Variants in AATF observed in about 807,000 individuals in gnomAD.
AATF encodes the protein protein AATF.
AATF carries 48 observed loss-of-function variants against 63.7 expected under a neutral mutation model. The ratio of observed to expected loss-of-function variants is 0.75; its 90% CI spans 0.60 to 0.96. The LOEUF is 0.96. AATF is among the 40% of genes least tolerant of loss of function. AATF has a pLI of 0.00. For synonymous variants in AATF, 258 were observed against 247.7 expected (o/e 1.04, Z -0.39); for missense variants, 639 against 685.7 (o/e 0.93, Z 0.76).
chr17:37,051,976 T>C (rs2071755792), intron 11 of AATF, among the ~76,000 whole-genome samples: 1 of 152,148 alleles, frequency 6.6e-6, no homozygotes, highest in South Asian at 2.1e-4. Context: ...TAAATTTTAA[T>C]TCAAGGAAGA....
At chr17:36,976,404 T>C (rs941658086) in intron 4 of AATF, among the ~76,000 whole-genome samples, 1 of 152,160 alleles carries the variant, frequency 6.6e-6, no homozygotes, top group Non-Finnish European at 1.5e-5. Context: ...TACTGAGTAT[T>C]AACTATTAAT....
intron 8 of AATF, among the ~76,000 whole-genome samples, chr17:37,014,707 A>T (rs2071416307): frequency 1.3e-5 from 2 of 152,002 alleles, no homozygotes; most frequent in Non-Finnish European, 2.9e-5. Context: ...ATTTGGGAAA[A>T]TTTTCAGTAT....
At chr17:37,037,380 A>G (rs901934062) in intron 11 of AATF, among the ~76,000 whole-genome samples, 1 of 152,186 alleles carries the variant, frequency 6.6e-6, no homozygotes, top group Admixed American at 6.5e-5. Context: ...TCAGTGGCCT[A>G]AGGAGAAGAA....
chr17:37,027,655 A>G (rs1399330400), intron 10 of AATF, among the ~76,000 whole-genome samples: 2 of 152,214 alleles, frequency 1.3e-5, no homozygotes, highest in African/African-American at 2.4e-5. Flanking sequence ...CCCAATATAT[A>G]AAAATATTAT....
chr17:37,007,007 A>G (rs1333208141), intron 8 of AATF, among the ~76,000 whole-genome samples: 1 of 152,222 alleles, frequency 6.6e-6, no homozygotes, highest in Non-Finnish European at 1.5e-5. Flanking sequence ...TTGAGTAACC[A>G]AAGGTGGACT....
chr17:37,008,080 A>G (rs925037033), intron 8 of AATF, among the ~76,000 whole-genome samples: 1 of 152,198 alleles, frequency 6.6e-6, no homozygotes. Flanking sequence ...TTTGAAAATC[A>G]GTAGAAAGGA....
intron 4 of AATF, among the ~76,000 whole-genome samples, chr17:36,983,943 C>G (rs527914803): frequency 1.3e-5 from 2 of 152,256 alleles, no homozygotes; most frequent in South Asian, 4.1e-4. Flanking sequence ...TAGGTTGGCT[C>G]TCAGGCCTGA....
intron 4 of AATF, among the ~76,000 whole-genome samples, chr17:36,972,554 A>AT (rs1259503681): frequency 6.6e-6 from 1 of 151,642 alleles, no homozygotes; most frequent in Non-Finnish European, 1.5e-5. Context: ...TATAGGATGA[A>AT]TTTTTTTTTA....
At chr17:37,012,137 C>T (rs1001198975) in intron 8 of AATF, among the ~76,000 whole-genome samples, 1 of 151,786 alleles carries the variant, frequency 6.6e-6, no homozygotes, top group African/African-American at 2.4e-5. Flanking sequence ...ACTGCAACTT[C>T]CGTCTCCTGG....
chr17:36,981,697 C>CT (rs1750407025), intron 4 of AATF, among the ~76,000 whole-genome samples: 5 of 118,716 alleles, frequency 4.2e-5, no homozygotes, highest in Admixed American at 7.9e-5. Flanking sequence ...CTTCTTCTTT[C>CT]TTTTCTTTTT....
chr17:37,009,852 C>T (rs2071376200), intron 8 of AATF, among the ~76,000 whole-genome samples: 1 of 113,572 alleles, frequency 8.8e-6, no homozygotes, highest in African/African-American at 3.9e-5. Context: ...AAAAAAAAAC[C>T]ATGCAGATTT....
At chr17:36,998,455 G>A (rs931753709) in intron 8 of AATF, 1 of 152,142 alleles carries the variant, frequency 6.6e-6, no homozygotes, top group Non-Finnish European at 1.5e-5. Flanking sequence ...ACTCCCTTCT[G>A]ATTGGACAAG....
intron 8 of AATF, among the ~76,000 whole-genome samples, chr17:37,008,785 G>A (rs899267966): frequency 6.6e-6 from 1 of 152,142 alleles, no homozygotes; most frequent in Non-Finnish European, 1.5e-5. Context: ...GAGGTCAGGG[G>A]CACAGTGAGC....
At chr17:37,040,748 C>T (rs1467318798) in intron 11 of AATF, among the ~76,000 whole-genome samples, 1 of 87,366 alleles carries the variant, frequency 1.1e-5, no homozygotes, top group Non-Finnish European at 2.4e-5. Context: ...TAAAATGCTT[C>T]CCCCCCCACG....
intron 11 of AATF, among the ~76,000 whole-genome samples, chr17:37,032,941 G>C (rs1292332185): frequency 3.9e-5 from 6 of 152,044 alleles, no homozygotes; most frequent in Non-Finnish European, 8.8e-5. Context: ...GAAATTATTG[G>C]TCATAACATA....
chr17:36,962,810 A>T (rs2070958581), intron 4 of AATF, among the ~76,000 whole-genome samples: 1 of 152,098 alleles, frequency 6.6e-6, no homozygotes, highest in South Asian at 2.1e-4. Context: ...ACGTAACTAT[A>T]TGTGCCTGGC....
intron 10 of AATF, among the ~76,000 whole-genome samples, chr17:37,024,400 A>G (rs2071495943): frequency 6.6e-6 from 1 of 152,182 alleles, no homozygotes; most frequent in Non-Finnish European, 1.5e-5. Flanking sequence ...TTTGGCAGAG[A>G]CTTTTGTAGC....
intron 4 of AATF, among the ~76,000 whole-genome samples, chr17:36,968,467 G>A (rs976787377): frequency 1.3e-5 from 2 of 150,418 alleles, no homozygotes; most frequent in African/African-American, 4.9e-5. Flanking sequence ...GTAGAGATGA[G>A]GTTTTGCTGT....
At chr17:37,025,297 GA>G (rs1432459659) in intron 10 of AATF, among the ~76,000 whole-genome samples, 1 of 152,166 alleles carries the variant, frequency 6.6e-6, no homozygotes, top group Non-Finnish European at 1.5e-5. Flanking sequence ...AATCCAAGTT[GA>G]GATATTTTTC....
Sources: allele counts gnomAD v4.1 joint callset (sites outside exome capture counted in the v4.1 genomes callset), GRCh38; gene constraint gnomAD v4.1.1; transcripts MANE v1.5; gene names NCBI Gene and HGNC (gene_info 2026-07-23, HGNC 2026-07-21).